AKR1E2: variants seen among roughly 807,000 people sequenced by gnomAD.
AKR1E2 encodes the protein 1,5-anhydro-D-fructose reductase.
In AKR1E2, 43 loss-of-function variants were observed where a neutral mutation model predicts 41.9. The ratio of observed to expected loss-of-function variants is 1.03; its 90% CI spans 0.80 to 1.32. AKR1E2 has a LOEUF of 1.32. Among genes scored for constraint, AKR1E2 ranks in the 40% most tolerant of loss-of-function variants. AKR1E2 has a pLI of 0.00. For synonymous variants in AKR1E2, 121 were observed against 138.9 expected (o/e 0.87, Z 0.91); for missense variants, 423 against 396.5 (o/e 1.07, Z -0.57).
At chr10:4,834,368 G>A (rs1833226334) in intron 3 of AKR1E2, among the ~76,000 whole-genome samples, 1 of 152,228 alleles carries the variant, frequency 6.6e-6, no homozygotes, top group South Asian at 2.1e-4. Context: ...CATAAACGAT[G>A]TGGGCAGCTG....
the AKR1E2 span, among the ~76,000 whole-genome samples, chr10:4,859,915 G>C: frequency 6.6e-6 from 1 of 152,208 alleles, no homozygotes; most frequent in Non-Finnish European, 1.5e-5. Context: ...CCCTCATGGA[G>C]TTGACCTGTG....
At chr10:4,830,598 C>A in intron 1 of AKR1E2, 77 bp from the exon 2 acceptor site, 1 of 1,547,114 alleles carries the variant, frequency 6.5e-7, no homozygotes. Flanking sequence ...ATGTTGTCCA[C>A]ATGCTTGGGT....
intron 4 of AKR1E2, 68 bp from the exon 5 acceptor site, chr10:4,837,391 G>T (rs1253718143): frequency 6.3e-7 from 1 of 1,584,936 alleles, no homozygotes; most frequent in Non-Finnish European, 8.6e-7. Flanking sequence ...ATACAGAACT[G>T]CTGAGGGACG....
At chr10:4,847,305 T>C in intron 9 of AKR1E2, 75 bp downstream of exon 9, 1 of 1,594,978 alleles carries the variant, frequency 6.3e-7, no homozygotes, top group Non-Finnish European at 8.5e-7. Flanking sequence ...AATAGGTATT[T>C]ATCATACACA....
In AKR1E2 at chr10:4,839,782, C is replaced by T. The variant is rs1205884262; in HGVS notation, c.636C>T (p.Ser212=). The T allele has an allele frequency of 9.9e-6, 16 of 1,613,962 alleles. No individual in the cohort carries two copies. Among genetic ancestry groups the T allele is most frequent in the Non-Finnish European group, 1.3e-5 (15 of 1,180,006 alleles). The change falls in exon 6 of 10, where the codon TCC becomes TCT. Residue 212 remains serine (S), a synonymous_variant. Coordinates refer to ENST00000298375, the MANE Select transcript of AKR1E2 (RefSeq NM_001040177.3). The stretch of plus-strand genomic sequence containing the variant: ...AGAATCTGATCAGTTTTTGCCAATC[C>T]AGAGATGTGTCCGTGACTGCTTACC... ...TQKNLISFCQ[S]RDVSVTAYRP...
intron 1 of AKR1E2, among the ~76,000 whole-genome samples, chr10:4,827,051 T>C (rs75102254): frequency 0.038 from 5,192 of 137,150 alleles, 147 homozygotes; most frequent in East Asian, 0.12. Context: ...ACTCCAGCCT[T>C]GGGGACAGAG....
intron 7 of AKR1E2, 60 bp from the exon 8 acceptor site, chr10:4,842,361 A>G: frequency 1.0e-5 from 15 of 1,484,080 alleles, no homozygotes; most frequent in Non-Finnish European, 1.4e-5. Flanking sequence ...ATGTTAGAAA[A>G]TAACTTAGAC....
At chr10:4,849,559 T>C (rs1834482990), downstream of AKR1E2, among the ~76,000 whole-genome samples, 1 of 152,240 alleles carries the variant, frequency 6.6e-6, no homozygotes, top group Admixed American at 6.5e-5. Context: ...TAAACCATTG[T>C]TCATTGACCT....
intron 6 of AKR1E2, among the ~76,000 whole-genome samples, chr10:4,841,162 G>C (rs996458628): frequency 5.3e-5 from 8 of 152,134 alleles, no homozygotes; most frequent in African/African-American, 1.9e-4. Context: ...TGGGCACTCT[G>C]TTTGGTTCCT....
rs1211078482 is a variant in AKR1E2 at position 4,837,536 on chromosome 10, G to C, written c.537G>C (p.Arg179Ser). The change falls in exon 5 of 10, where the codon AGG (arginine) becomes AGC (serine). Residue 179 changes from arginine (R) to serine (S), a missense_variant. Transcript: ENST00000298375. ...ACTTCAACCATGAACAGCTTGAGAG[G>C]CTTTTGAATAAGCCTGGGTTGAGGT... ...VSNFNHEQLE[R>S]LLNKPGLRFK... 1 of 1,614,120 alleles carries C rather than the reference G, an allele frequency of 6.2e-7. No homozygotes were observed. Among genetic ancestry groups the C allele is most frequent in the Non-Finnish European group, 8.5e-7 (1 of 1,180,020 alleles).
In AKR1E2 at chr10:4,833,348, A is replaced by T. The variant is rs1251478369; in HGVS notation, c.208-2A>T. 1 of 1,613,170 alleles carries T rather than the reference A, an allele frequency of 6.2e-7. No homozygotes were observed. The highest frequency in any genetic ancestry group is 1.1e-5 in the South Asian group (1 of 91,050). ...GTGACGCTGGTCCCCTCTCCTTTGTAGCTGTGGTGCACCTGCCATAAGAAG... is the reference window on the plus strand; with the variant it reads ...GTGACGCTGGTCCCCTCTCCTTTGTTGCTGTGGTGCACCTGCCATAAGAAG... On this transcript the variant is annotated splice_acceptor_variant, in intron 2 of 9. Coordinates refer to ENST00000298375, the MANE Select transcript of AKR1E2 (RefSeq NM_001040177.3). LOFTEE classifies it high-confidence loss of function.
intron 2 of AKR1E2, among the ~76,000 whole-genome samples, chr10:4,832,128 A>G (rs1833019391): frequency 6.6e-6 from 1 of 152,038 alleles, no homozygotes; most frequent in Non-Finnish European, 1.5e-5. Context: ...ATGTAAGACC[A>G]TGAGATCAGG....
rs1340730492 is a variant in AKR1E2, at chr10:4,826,236, G to C, written c.-89G>C. On this transcript the variant is annotated 5_prime_UTR_variant, in exon 1 of 10. Coordinates refer to ENST00000298375, the MANE Select transcript of AKR1E2 (RefSeq NM_001040177.3). ...CAAGGCACTTCCAGCCAGTCGCAAC[G>C]GCGGGTCGCCAGCGCCGCAGTAGCT... 3 of 1,089,536 alleles carry C rather than the reference G, an allele frequency of 2.8e-6. No homozygotes were observed. Among genetic ancestry groups the C allele is most frequent in the African/African-American group, 3.2e-5 (2 of 61,734 alleles). 67.5% of individuals were successfully genotyped at this position (1,089,536 alleles called of 1,614,324 possible). A position where few individuals can be genotyped will look rare whatever the true frequency, so the allele number is the denominator to read the frequency against.
intron 5 of AKR1E2, 109 bp from the exon 6 acceptor site, chr10:4,839,619 GC>G: frequency 1.1e-6 from 1 of 937,176 alleles, no homozygotes; most frequent in Non-Finnish European, 1.7e-6. Context: ...CTGGAGCTGG[GC>G]CCCATGGCTA....
downstream of AKR1E2, among the ~76,000 whole-genome samples, chr10:4,850,929 C>A (rs1834515263): frequency 6.6e-6 from 1 of 152,220 alleles, no homozygotes; most frequent in Non-Finnish European, 1.5e-5. Flanking sequence ...TTTCTTCACA[C>A]AGACATCTAA....
chr10:4,837,231 A>G (rs1453813200), intron 4 of AKR1E2, among the ~76,000 whole-genome samples: 2 of 152,206 alleles, frequency 1.3e-5, no homozygotes, highest in African/African-American at 4.8e-5. Flanking sequence ...TGAAGCTGAG[A>G]AAATTGGGGC....
At chr10:4,865,474 G>A in the AKR1E2 span, among the ~76,000 whole-genome samples, 8 of 152,150 alleles carry the variant, frequency 5.3e-5, no homozygotes, top group East Asian at 1.5e-3. Context: ...TTGAACCTGG[G>A]CCATAAAGTA....
the AKR1E2 span, among the ~76,000 whole-genome samples, chr10:4,867,836 C>A: frequency 0.22 from 33,158 of 152,090 alleles, 3,835 homozygotes; most frequent in Middle Eastern, 0.33. Flanking sequence ...TTTGTCAAAG[C>A]GAGAGGCAGC....
At chr10:4,825,929 G>A (rs1046660853), upstream of AKR1E2, among the ~76,000 whole-genome samples, 9 of 149,916 alleles carry the variant, frequency 6.0e-5, no homozygotes, top group East Asian at 1.4e-3. Context: ...CACCTAAGGT[G>A]GGGGCGTGAG....
Sources: gnomAD v4.1 joint callset for allele counts (sites outside exome capture counted in the v4.1 genomes callset) on GRCh38, gnomAD v4.1.1 for gene constraint, MANE v1.5 for transcripts, NCBI Gene and HGNC (gene_info 2026-07-23, HGNC 2026-07-21) for gene names.